Variants in IPO7 observed in about 807,000 individuals in gnomAD.
The protein encoded by IPO7 is importin 7, also known as importin-7.
In IPO7, 13 loss-of-function variants were observed where a neutral mutation model predicts 136.4. The observed-to-expected ratio is 0.10, with a 90% CI of 0.06 to 0.15. IPO7 has a LOEUF of 0.15. IPO7 is among the 10% of genes least tolerant of loss of function. The pLI, the probability that IPO7 is intolerant of heterozygous loss-of-function variation, is 1.00. For missense variants in IPO7, 857 were observed against 1,240.6 expected (o/e 0.69, Z 4.65); for synonymous variants, 403 against 404.4 (o/e 1.00, Z 0.04).
Position 9,384,735 on chromosome 11 carries a change from G to T in IPO7, c.-29G>T, listed in dbSNP as rs773365884. The T allele has an allele frequency of 1.3e-6, 2 of 1,560,354 alleles. No homozygotes were observed. Among genetic ancestry groups the T allele is most frequent in the South Asian group, 1.2e-5 (1 of 85,462 alleles). On this transcript the variant is annotated 5_prime_UTR_variant, in exon 1 of 25. Coordinates refer to ENST00000379719, the MANE Select transcript of IPO7 (RefSeq NM_006391.3). ...CTATTCCTGGCCCAGTAGCACCCGA[G>T]CCCCGGGTTTGACCGAGTCCGCGCT...
intron 6 of IPO7, among the ~76,000 whole-genome samples, chr11:9,419,577 T>G (rs962850206): frequency 6.9e-6 from 1 of 144,480 alleles, no homozygotes; most frequent in Non-Finnish European, 1.5e-5. Flanking sequence ...TATATATATA[T>G]ATATATATAT....
At chr11:9,422,877 C>T in intron 8 of IPO7, 129 bp from the exon 9 acceptor site, 1 of 478,612 alleles carries the variant, frequency 2.1e-6, no homozygotes. Context: ...AATTATTTTT[C>T]AAAGTATACG....
intron 1 of IPO7, among the ~76,000 whole-genome samples, chr11:9,401,959 C>G (rs1226088147): frequency 1.3e-5 from 2 of 152,192 alleles, no homozygotes; most frequent in Non-Finnish European, 2.9e-5. Context: ...CCAGAGCCAC[C>G]ATGCCTGGAC....
At chr11:9,428,397 A>T in intron 12 of IPO7, 143 bp from the exon 13 acceptor site, 1 of 454,466 alleles carries the variant, frequency 2.2e-6, no homozygotes, top group Non-Finnish European at 4.0e-6. Context: ...GAATACGAAA[A>T]TTGGTTGTGG....
Position 9,438,045 on chromosome 11 carries a change from GTTTTTTTTTTTTTTTT to G in IPO7, c.2490-18_2490-3del, listed in dbSNP as rs202038310. On this transcript the variant is annotated intron_variant, in intron 21 of 24. Coordinates refer to ENST00000379719, the MANE Select transcript of IPO7 (RefSeq NM_006391.3). The stretch of plus-strand genomic sequence containing the variant: ...TCTGCTTATTTAAGAAAAGAAAACA[GTTTTTTTTTTTTTTTT>G]TTTTTTTTTTTTTTTTAGGCTTCAT... 0.034 allele frequency: 37,204 copies of G among 1,080,624 alleles called. 31 individuals are homozygous for G. Among genetic ancestry groups the G allele is most frequent in the Middle Eastern group, 0.043 (134 of 3,146 alleles). 66.9% of individuals were successfully genotyped at this position (1,080,624 alleles called of 1,614,324 possible). A position where few individuals can be genotyped will look rare whatever the true frequency, so the allele number is the denominator to read the frequency against.
intron 5 of IPO7, among the ~76,000 whole-genome samples, chr11:9,414,783 A>G (rs1179042442): frequency 3.3e-5 from 5 of 150,548 alleles, no homozygotes; most frequent in African/African-American, 1.2e-4. Flanking sequence ...GTGCCACCAC[A>G]CCTGGCTAAT....
At chr11:9,441,512 AG>A (rs1402966578) in intron 23 of IPO7, among the ~76,000 whole-genome samples, 67 of 152,196 alleles carry the variant, frequency 4.4e-4, no homozygotes, top group African/African-American at 1.6e-3. Flanking sequence ...CTGATAACCA[AG>A]GATTTGAGTC....
chr11:9,444,896 A>T (rs550939414), intron 24 of IPO7, among the ~76,000 whole-genome samples: 1 of 152,140 alleles, frequency 6.6e-6, no homozygotes, highest in East Asian at 1.9e-4. Context: ...TTGGCTAAGA[A>T]GTCTACAGCA....
At chr11:9,433,176 G>A (rs1855324078) in intron 16 of IPO7, 1 of 165,286 alleles carries the variant, frequency 6.1e-6, no homozygotes, top group Admixed American at 6.1e-5. Flanking sequence ...AGTAGAGACG[G>A]GGTTTCACCA....
At chr11:9,436,682 T>G (rs1378865805) in intron 20 of IPO7, among the ~76,000 whole-genome samples, 2 of 149,672 alleles carry the variant, frequency 1.3e-5, no homozygotes, top group African/African-American at 2.4e-5. Flanking sequence ...TTGTTTGTTT[T>G]TTGTTTTTTG....
At chr11:9,408,195 A>T (rs1449471671) in intron 2 of IPO7, among the ~76,000 whole-genome samples, 1 of 152,134 alleles carries the variant, frequency 6.6e-6, no homozygotes, top group Non-Finnish European at 1.5e-5. Flanking sequence ...TCCTGTAGAA[A>T]ACAGGGTTAA....
chr11:9,422,288 A>C (rs146816134), intron 8 of IPO7, among the ~76,000 whole-genome samples: 1 of 152,284 alleles, frequency 6.6e-6, no homozygotes, highest in African/African-American at 2.4e-5. Flanking sequence ...CAAATAAATA[A>C]ATAAATAAAA....
chr11:9,426,592 A>G (rs1855212487), intron 12 of IPO7, among the ~76,000 whole-genome samples: 1 of 152,126 alleles, frequency 6.6e-6, no homozygotes, highest in Non-Finnish European at 1.5e-5. Flanking sequence ...ATACCATTTT[A>G]TATTTCTGCC....
Position 9,437,981 on chromosome 11 carries a change from G to T in IPO7, c.2489+7G>T. The T allele has an allele frequency of 1.3e-6, 2 of 1,584,948 alleles. No individual in the cohort carries two copies. Among genetic ancestry groups the T allele is most frequent in the South Asian group, 1.1e-5 (1 of 89,608 alleles). ...ATGTTGACTGTTTCTTGGGGTAAGTGATGTATTGCAATTTTACTACATTTG... is the reference window on the plus strand; with the variant it reads ...ATGTTGACTGTTTCTTGGGGTAAGTTATGTATTGCAATTTTACTACATTTG... On this transcript the variant is annotated splice_region_variant and intron_variant, in intron 21 of 24. Transcript: ENST00000379719.
At chr11:9,423,311 G>A (rs1313366304) in intron 9 of IPO7, among the ~76,000 whole-genome samples, 171 bp downstream of exon 9, 1 of 152,172 alleles carries the variant, frequency 6.6e-6, no homozygotes, top group African/African-American at 2.4e-5. Flanking sequence ...ATAAAGTTAT[G>A]AGAGGTATCT....
chr11:9,423,928 C>A, intron 10 of IPO7, 52 bp downstream of exon 10: 2 of 1,075,094 alleles, frequency 1.9e-6, no homozygotes, highest in Non-Finnish European at 2.9e-6. Flanking sequence ...ATTAAGATTA[C>A]AGTGATTGCA....
At chr11:9,430,170 C>T (rs185889358) in intron 15 of IPO7, among the ~76,000 whole-genome samples, 154 of 152,256 alleles carry the variant, frequency 1.0e-3, no homozygotes, top group Non-Finnish European at 1.9e-3. Context: ...CCTAACAGGC[C>T]ATGGACCGGT....
chr11:9,388,701 A>AT (rs1007752416), intron 1 of IPO7, among the ~76,000 whole-genome samples: 2 of 143,940 alleles, frequency 1.4e-5, no homozygotes, highest in African/African-American at 5.2e-5. Flanking sequence ...CTTATTTTTA[A>AT]TTTTTTCAGA....
At chr11:9,400,161 G>A (rs1332863131) in intron 1 of IPO7, among the ~76,000 whole-genome samples, 1 of 152,076 alleles carries the variant, frequency 6.6e-6, no homozygotes, top group Non-Finnish European at 1.5e-5. Context: ...ATTAAGTACT[G>A]TTTGTATTAT....
Sources: allele counts gnomAD v4.1 joint callset (sites outside exome capture counted in the v4.1 genomes callset), GRCh38; gene constraint gnomAD v4.1.1; transcripts MANE v1.5; gene names NCBI Gene and HGNC (gene_info 2026-07-23, HGNC 2026-07-21).